The following JPT1 variants were observed in gnomAD, a reference collection of about 807,000 sequenced individuals.
JPT1 encodes androgen-regulated protein 2.
JPT1 carries 5 observed loss-of-function variants against 17.0 expected under a neutral mutation model. The observed-to-expected ratio is 0.29, with a 90% CI of 0.15 to 0.62. The LOEUF (loss-of-function observed/expected upper bound fraction) is 0.62, where lower values mean the gene tolerates loss of function less well. Ranked by LOEUF, JPT1 falls within the 20% of genes least tolerant of loss-of-function variation. JPT1 has a pLI of 0.85. For missense variants in JPT1, 158 were observed against 188.1 expected (o/e 0.84, Z 0.94); for synonymous variants, 71 against 73.6 (o/e 0.96, Z 0.18).
At chr17:75,149,298 T>G in intron 1 of JPT1, 1 of 323,868 alleles carries the variant, frequency 3.1e-6, no homozygotes, top group Non-Finnish European at 6.1e-6. Flanking sequence ...AAGGCTGCAG[T>G]GAGCTGTGTT....
chr17:75,141,040 A>C (rs989343078), intron 4 of JPT1: 1 of 152,320 alleles, frequency 6.6e-6, no homozygotes, highest in African/African-American at 2.4e-5. Context: ...CAGTGAGCCA[A>C]GATCATGCCA....
intron 1 of JPT1, among the ~76,000 whole-genome samples, chr17:75,149,883 A>ACACACT (rs1355607337): frequency 1.1e-4 from 17 of 149,602 alleles, no homozygotes; most frequent in African/African-American, 2.4e-4. Context: ...ACACACACAC[A>ACACACT]CTTAAGTCAG....
chr17:75,144,020 C>CTTT (rs1190511958), intron 4 of JPT1, among the ~76,000 whole-genome samples: 2 of 151,134 alleles, frequency 1.3e-5, no homozygotes, highest in Non-Finnish European at 3.0e-5. Flanking sequence ...AAAACCCAGT[C>CTTT]TTAAAAAAAC....
At chr17:75,142,625 GGGAGGGGA>G (rs2074342899) in intron 4 of JPT1, 6 of 108,548 alleles carry the variant, frequency 5.5e-5, no homozygotes, top group East Asian at 1.6e-3. Flanking sequence ...GAGGAGGGGA[GGGAGGGGA>G]GGGAGGGGAG....
At chr17:75,147,907 A>G (rs2074471087) in intron 2 of JPT1, 2 of 414,214 alleles carry the variant, frequency 4.8e-6, no homozygotes, top group South Asian at 6.1e-5. Context: ...GCTGAGGCAG[A>G]AGAATCACTT....
At chr17:75,138,884 C>A (rs1452779091) in intron 4 of JPT1, among the ~76,000 whole-genome samples, 3 of 152,074 alleles carry the variant, frequency 2.0e-5, no homozygotes, top group Non-Finnish European at 2.9e-5. Context: ...TTTAACATTT[C>A]ATGAATTTCT....
intron 4 of JPT1, among the ~76,000 whole-genome samples, chr17:75,138,010 G>C (rs1322884636): frequency 6.6e-6 from 1 of 150,682 alleles, no homozygotes; most frequent in African/African-American, 2.4e-5. Context: ...AGGCTAGAGT[G>C]CAACAGTGCA....
chr17:75,153,399 AGC>A (rs1275617928), intron 1 of JPT1: 1 of 152,258 alleles, frequency 6.6e-6, no homozygotes, highest in Admixed American at 6.5e-5. Flanking sequence ...CTTCCCAGGT[AGC>A]GCTACCACGT....
rs1027824746 is a variant in JPT1, at chr17:75,154,480, C to G, written c.-83G>C. 5.3e-6 allele frequency: 7 copies of G among 1,309,210 alleles called. No individual in the cohort carries two copies. The highest frequency in any genetic ancestry group is 3.0e-5 in the African/African-American group (2 of 66,846). 81.1% of individuals were successfully genotyped at this position (1,309,210 alleles called of 1,614,324 possible). The stretch of plus-strand genomic sequence containing the variant: ...GAGGGGCGCTGGGAAACTCCACACC[C>G]AACAGCCGACCACCGCTGCAGGAGC... On this transcript the variant is annotated 5_prime_UTR_variant, in exon 1 of 5. Transcript: ENST00000409753.
In JPT1 at chr17:75,148,393, C is replaced by T. The variant is rs954726276; in HGVS notation, c.199+136G>A. ...CGGAGTATCAGGGACTAAATGCACA[C>T]TGCCACTACCACCAGCTAATTTTTG... is the stretch of plus-strand genomic sequence containing the variant. On this transcript the variant is annotated intron_variant, in intron 2 of 4. Coordinates refer to ENST00000409753, the MANE Select transcript of JPT1 (RefSeq NM_016185.4). 63 of 1,018,164 alleles carry T rather than the reference C, an allele frequency of 6.2e-5. No individual in the cohort carries two copies. In the African/African-American group the frequency reaches 8.8e-4, roughly 14 times the overall value. 63.1% of individuals were successfully genotyped at this position (1,018,164 alleles called of 1,614,324 possible). A position where few individuals can be genotyped will look rare whatever the true frequency, so the allele number is the denominator to read the frequency against.
chr17:75,150,916 C>T lies in JPT1; in HGVS notation c.57-2245G>A, dbSNP rs8065617. ...TTGCCCAGGCTGGACTGCAATGGTG[C>T]GATCTCGGCTCACTGCAAGCTCCGC... On this transcript the variant is annotated intron_variant, in intron 1 of 4. Coordinates refer to ENST00000409753, the MANE Select transcript of JPT1 (RefSeq NM_016185.4). Among the ~76,000 whole-genome samples, 945 of 138,684 alleles carry T rather than the reference C, an allele frequency of 6.8e-3. 12 individuals are homozygous for T. Among genetic ancestry groups the T allele is most frequent in the African/African-American group, 0.024 (881 of 37,482 alleles). 91.0% of individuals were successfully genotyped at this position (138,684 alleles called of 152,430 possible). A position where few individuals can be genotyped will look rare whatever the true frequency, so the allele number is the denominator to read the frequency against.
intron 4 of JPT1, chr17:75,142,838 A>G (rs2074353204): frequency 2.2e-6 from 1 of 454,516 alleles, no homozygotes. Flanking sequence ...GTCCAATGCA[A>G]AAGTAACTGG....
At chr17:75,142,861 A>G in intron 4 of JPT1, 1 of 446,866 alleles carries the variant, frequency 2.2e-6, no homozygotes, top group South Asian at 1.6e-5. Context: ...CTGTGATATT[A>G]TGATATACAT....
At chr17:75,149,391 G>A (rs560228427) in intron 1 of JPT1, among the ~76,000 whole-genome samples, 1 of 151,728 alleles carries the variant, frequency 6.6e-6, no homozygotes. Context: ...TTTTTGAGAC[G>A]GAGTCTCCCT....
At chr17:75,152,120 A>G (rs1318091058) in intron 1 of JPT1, among the ~76,000 whole-genome samples, 1 of 152,212 alleles carries the variant, frequency 6.6e-6, no homozygotes, top group African/African-American at 2.4e-5. Context: ...AGTGTTGTAG[A>G]GACCATTTGT....
Position 75,148,451 on chromosome 17 carries a change from G to A in JPT1, c.199+78C>T, listed in dbSNP as rs1598205268. On this transcript the variant is annotated intron_variant, in intron 2 of 4. Coordinates refer to ENST00000409753, the MANE Select transcript of JPT1 (RefSeq NM_016185.4). Reference sequence around the variant, plus strand: ...TTGTTTTTTAGACACGGGGGCACATGCTGGTGCCCAAGCTGCATCTGTGGC... The same window carrying A: ...TTGTTTTTTAGACACGGGGGCACATACTGGTGCCCAAGCTGCATCTGTGGC... The A allele has an allele frequency of 1.2e-5, 19 of 1,539,592 alleles. No individual in the cohort carries two copies. The East Asian group carries it at 2.7e-4, about 22-fold the overall frequency.
chr17:75,139,522 C>A (rs2074269347), intron 4 of JPT1, among the ~76,000 whole-genome samples: 1 of 152,012 alleles, frequency 6.6e-6, no homozygotes, highest in Non-Finnish European at 1.5e-5. Context: ...GTAGGCCTTA[C>A]TTTAAATGTC....
In JPT1 at chr17:75,154,440, C is replaced by T. The variant is rs1472744366; in HGVS notation, c.-43G>A. 2 of 1,537,392 alleles carry T rather than the reference C, an allele frequency of 1.3e-6. No homozygotes were observed. ...TAGGCTGGCGCCGGAGCAGAACGCTCAAAGGGTCGGACCCGAGGGGCGCTG... is the reference window on the plus strand; with the variant it reads ...TAGGCTGGCGCCGGAGCAGAACGCTTAAAGGGTCGGACCCGAGGGGCGCTG... On this transcript the variant is annotated 5_prime_UTR_variant, in exon 1 of 5. Coordinates refer to ENST00000409753, the MANE Select transcript of JPT1 (RefSeq NM_016185.4).
chr17:75,145,105 A>C (rs2074398587), intron 4 of JPT1, among the ~76,000 whole-genome samples: 1 of 143,760 alleles, frequency 7.0e-6, no homozygotes, highest in African/African-American at 2.6e-5. Context: ...CAGAGGTTGA[A>C]GTGAGCTGAG....
Sources: gnomAD v4.1 joint callset for allele counts (sites outside exome capture counted in the v4.1 genomes callset) on GRCh38, gnomAD v4.1.1 for gene constraint, MANE v1.5 for transcripts, NCBI Gene and HGNC (gene_info 2026-07-23, HGNC 2026-07-21) for gene names.